PLOD1: variants seen among roughly 807,000 people sequenced by gnomAD.
PLOD1 encodes procollagen-lysine,2-oxoglutarate 5-dioxygenase 1.
In PLOD1, 70 loss-of-function variants were observed where a neutral mutation model predicts 94.7. The observed-to-expected ratio is 0.74, with a 90% CI of 0.61 to 0.90. PLOD1 has a LOEUF of 0.90. Among genes scored for constraint, PLOD1 ranks in the 40% least tolerant of loss-of-function variants. PLOD1 has a pLI of 0.00. For synonymous variants in PLOD1, 417 were observed against 400.2 expected (o/e 1.04, Z -0.50); for missense variants, 905 against 972.7 (o/e 0.93, Z 0.93).
rs1198763773 is a variant in PLOD1, at chr1:11,972,532, C to T, written c.1903-340C>T. ...CCTCCCAAAGTGCTGGAATTACAGG[C>T]GTGAGTACCATGTCCGGCCTCCTTC... is the stretch of plus-strand genomic sequence containing the variant. On this transcript the variant is annotated intron_variant, in intron 17 of 18. Coordinates refer to ENST00000196061, the MANE Select transcript of PLOD1 (RefSeq NM_000302.4). This position sits in a 1 kb window ranked among gnomAD's most constrained non-coding sequence, Gnocchi z 4.6. 6.5e-5 allele frequency: 21 copies of T among 321,690 alleles called. No individual in the cohort carries two copies. Among genetic ancestry groups the T allele is most frequent in the South Asian group, 4.5e-4 (16 of 35,738 alleles). The allele number at this position is 321,690 out of a possible 1,614,324, so 19.9% of individuals were successfully genotyped here. A position where few individuals can be genotyped will look rare whatever the true frequency, so the allele number is the denominator to read the frequency against.
Position 11,974,708 on chromosome 1 carries a change from G to T in PLOD1, c.2084G>T (p.Gly695Val), listed in dbSNP as rs1415378080. ...YNCSIRAPRK[G>V]WTLMHPGRLT... is the part of the protein sequence containing the mutation. ...TGTTCCATCCGAGCCCCAAGGAAGGGCTGGACCCTCATGCACCCTGGACGA... is the reference window on the plus strand; with the variant it reads ...TGTTCCATCCGAGCCCCAAGGAAGGTCTGGACCCTCATGCACCCTGGACGA... Residue 695 changes from glycine to valine, a missense_variant, in exon 19 of 19, where the codon GGC becomes GTC. Transcript: ENST00000196061. 7 of 1,613,844 alleles carry T rather than the reference G, an allele frequency of 4.3e-6. No homozygotes were observed. Among genetic ancestry groups the T allele is most frequent in the Non-Finnish European group, 5.9e-6 (7 of 1,179,864 alleles).
intron 16 of PLOD1, among the ~76,000 whole-genome samples, chr1:11,968,506 ATTTTCTT>A (rs946207866): frequency 3.4e-5 from 5 of 147,128 alleles, no homozygotes; most frequent in African/African-American, 1.3e-4. Context: ...CCCACCTCTG[ATTTTCTT>A]TTTTCTTTTT....
chr1:11,955,446 G>A (rs1645731756), intron 6 of PLOD1, among the ~76,000 whole-genome samples: 1 of 131,954 alleles, frequency 7.6e-6, no homozygotes, highest in African/African-American at 2.9e-5. Context: ...TTACAAAAGG[G>A]AAGTGAACCG....
At chr1:11,954,294 G>A (rs1645722719) in intron 5 of PLOD1, 2 of 303,586 alleles carry the variant, frequency 6.6e-6, no homozygotes, top group Non-Finnish European at 1.2e-5. Context: ...TCAATGTGGT[G>A]AAATCCCATC....
intron 6 of PLOD1, 74 bp downstream of exon 6, chr1:11,954,967 A>G: frequency 2.5e-6 from 3 of 1,205,180 alleles, no homozygotes; most frequent in South Asian, 1.2e-5. Flanking sequence ...GCCCGAGCCC[A>G]GGGAGGAGAA....
chr1:11,960,793 C>T (rs778023285), intron 10 of PLOD1, 26 bp downstream of exon 10: 1 of 1,611,746 alleles, frequency 6.2e-7, no homozygotes, highest in Non-Finnish European at 8.5e-7. Context: ...CAGTACTCTC[C>T]ACTGACAGTG....
intron 4 of PLOD1, 88 bp from the exon 5 acceptor site, chr1:11,952,535 G>A (rs1378670833): frequency 1.1e-6 from 1 of 901,720 alleles, no homozygotes; most frequent in African/African-American, 1.6e-5. Flanking sequence ...GAGTGGAGGT[G>A]GATAAGAGGG....
At chr1:11,960,601 T>G in intron 9 of PLOD1, 45 bp from the exon 10 acceptor site, 1 of 1,368,196 alleles carries the variant, frequency 7.3e-7, no homozygotes, top group African/African-American at 1.4e-5. Context: ...GGAAGCTGTG[T>G]CCTCCTCCTC....
chr1:11,944,355 C>A (rs1645634602), intron 1 of PLOD1, among the ~76,000 whole-genome samples: 1 of 151,888 alleles, frequency 6.6e-6, no homozygotes, highest in African/African-American at 2.4e-5. Flanking sequence ...CCATCCCCTT[C>A]CCCCACCCCT....
rs1344595931 is a variant in PLOD1 at position 11,947,976 on chromosome 1, A to G, written c.77A>G (p.Asp26Gly). 6.2e-7 allele frequency: 1 copy of G among 1,606,356 alleles called. No homozygotes were observed. ...TCACCATACCCTCCTCTGTCTGCAG[A>G]CAACCTTTTAGTCCTCACGGTGGCC... is the stretch of plus-strand genomic sequence containing the variant. ...AEAKGDAKPEDNLLVLTVATK... is the reference protein window; with the variant it reads ...AEAKGDAKPEGNLLVLTVATK... Residue 26 changes from aspartate (D) to glycine (G), a missense_variant and splice_region_variant, in exon 2 of 19, where the codon GAC becomes GGC. Asp to Gly is a moderately conservative substitution (Grantham distance 94). Transcript: ENST00000196061.
intron 13 of PLOD1, 131 bp downstream of exon 13, chr1:11,964,916 C>T: frequency 2.0e-6 from 2 of 1,014,724 alleles, no homozygotes; most frequent in Non-Finnish European, 3.0e-6. Flanking sequence ...TCTAGCAGGG[C>T]ATCTCGGAAG....
At chr1:11,971,028 T>G (rs905484925) in intron 17 of PLOD1, among the ~76,000 whole-genome samples, 9 of 5,002 alleles carry the variant, frequency 1.8e-3, no homozygotes, top group African/African-American at 2.3e-3. Context: ...AGGGGTGGGG[T>G]GGGAAGTGGT....
chr1:11,960,804 G>T, intron 10 of PLOD1, 37 bp downstream of exon 10: 1 of 1,610,634 alleles, frequency 6.2e-7, no homozygotes, highest in Non-Finnish European at 8.5e-7. Flanking sequence ...ACTGACAGTG[G>T]GGGCAGGGGA....
chr1:11,943,321 A>T (rs1645627722), intron 1 of PLOD1, among the ~76,000 whole-genome samples: 1 of 138,142 alleles, frequency 7.2e-6, no homozygotes. Flanking sequence ...TTTGAGACAG[A>T]GTTTTGTTCT....
In PLOD1 at chr1:11,958,737, C is replaced by T. The variant is rs960704512; in HGVS notation, c.975+90C>T. On this transcript the variant is annotated intron_variant, in intron 9 of 18. Coordinates refer to ENST00000196061, the MANE Select transcript of PLOD1 (RefSeq NM_000302.4). The surrounding 1 kb of genome is among the most constrained non-coding windows in gnomAD (Gnocchi z 4.3). The stretch of plus-strand genomic sequence containing the variant: ...AGCCCGAGACCTCTGAGGGTCTCAC[C>T]GAATCTAGCTTATCTGGGCCAAATG... The T allele has an allele frequency of 1.8e-5, 27 of 1,462,968 alleles. No homozygotes were observed. In the Admixed American group the frequency reaches 2.3e-4, roughly 12 times the overall value. 90.6% of individuals were successfully genotyped at this position (1,462,968 alleles called of 1,614,324 possible). A position where few individuals can be genotyped will look rare whatever the true frequency, so the allele number is the denominator to read the frequency against.
intron 16 of PLOD1, among the ~76,000 whole-genome samples, chr1:11,968,197 A>G (rs1645835223): frequency 6.6e-6 from 1 of 151,886 alleles, no homozygotes; most frequent in Non-Finnish European, 1.5e-5. Context: ...CAGGTAAGCT[A>G]CCCACCTCGG....
chr1:11,966,932 G>A (rs1352125090), intron 15 of PLOD1, 55 bp from the exon 16 acceptor site: 8 of 1,085,346 alleles, frequency 7.4e-6, no homozygotes, highest in South Asian at 1.2e-5. Context: ...GAAGAGGAAG[G>A]AGGATTCTGT....
At chr1:11,939,258 G>T (rs1057265844) in intron 1 of PLOD1, among the ~76,000 whole-genome samples, 1 of 152,068 alleles carries the variant, frequency 6.6e-6, no homozygotes, top group African/African-American at 2.4e-5. Context: ...TGGGCAGCTG[G>T]CCCCGGGGAG....
intron 10 of PLOD1, among the ~76,000 whole-genome samples, chr1:11,962,773 G>T (rs554972035): frequency 6.6e-6 from 1 of 151,938 alleles, no homozygotes; most frequent in Admixed American, 6.6e-5. Context: ...GGGTGCAGTG[G>T]CTCGCATCTG....
Sources: allele counts gnomAD v4.1 joint callset (sites outside exome capture counted in the v4.1 genomes callset), GRCh38; gene constraint gnomAD v4.1.1; non-coding constraint Gnocchi (gnomAD v3.1); transcripts MANE v1.5; gene names NCBI Gene and HGNC (gene_info 2026-07-23, HGNC 2026-07-21).